Variants in CA10 observed in about 807,000 individuals in gnomAD.
CA10 encodes the protein carbonic anhydrase 10 (inactive), also known as carbonic anhydrase-related protein 10.
A neutral mutation model predicts 44.2 loss-of-function variants in CA10; 14 were observed. That is an observed-to-expected ratio of 0.32 (90% CI 0.21 to 0.50). The LOEUF is 0.50. Ranked by LOEUF, CA10 falls within the 20% of genes least tolerant of loss-of-function variation. The pLI is 0.99. For synonymous variants in CA10, 159 were observed against 141.6 expected, an observed-to-expected ratio of 1.12 and a Z score of -0.87; for missense variants, 350 against 409.7, an observed-to-expected ratio of 0.85 and a Z score of 1.26.
intron 2 of CA10, among the ~76,000 whole-genome samples, chr17:52,018,999 GCT>G (rs1404707435): frequency 1.3e-5 from 2 of 152,010 alleles, no homozygotes; most frequent in African/African-American, 4.8e-5. Context: ...TCTCTTGCTT[GCT>G]CTCTCACCAT....
chr17:51,830,434 CA>C (rs913357292), intron 3 of CA10, among the ~76,000 whole-genome samples: 14 of 151,456 alleles, frequency 9.2e-5, no homozygotes, highest in African/African-American at 3.4e-4. Context: ...AAAAAAAAAA[CA>C]AACAATTTCT....
chr17:51,931,576 T>A (rs1330160674), intron 2 of CA10, among the ~76,000 whole-genome samples: 1 of 152,134 alleles, frequency 6.6e-6, no homozygotes, highest in Non-Finnish European at 1.5e-5. Flanking sequence ...TGTCATTCAG[T>A]GTACACAAAG....
intron 3 of CA10, among the ~76,000 whole-genome samples, chr17:51,887,547 T>TGC (rs1980662828): frequency 1.3e-5 from 2 of 152,218 alleles, no homozygotes; most frequent in African/African-American, 4.8e-5. Context: ...ATCCTTGCTC[T>TGC]GCCAATTACT....
intron 4 of CA10, among the ~76,000 whole-genome samples, chr17:51,735,894 A>C (rs1779147571): frequency 7.3e-6 from 1 of 137,348 alleles, no homozygotes; most frequent in African/African-American, 2.6e-5. Flanking sequence ...GCAAAACTCT[A>C]GTGATTGCAA....
Position 52,157,827 on chromosome 17 carries a change from CG to C in CA10, c.-42del, listed in dbSNP as rs537580773. 8.3e-6 allele frequency: 13 copies of C among 1,559,646 alleles called. No homozygotes were observed. The Admixed American group carries it at 1.5e-4, about 18-fold the overall frequency. On this transcript the variant is annotated 5_prime_UTR_variant, in exon 1 of 9. The change abolishes the stop of an existing upstream ORF in the 5' untranslated region. Transcript: ENST00000451037. ...CCAAGTGCATCACTCGACGGGAAAA[CG>C]GGGGGAAGGGGGGAGCCCGACACGG...
intron 1 of CA10, among the ~76,000 whole-genome samples, chr17:52,110,619 C>T (rs1372105498): frequency 6.6e-6 from 1 of 152,170 alleles, no homozygotes; most frequent in African/African-American, 2.4e-5. Flanking sequence ...GGAAGTAAGA[C>T]AGAGTCGGGG....
At chr17:52,130,060 C>T (rs35636621) in intron 1 of CA10, among the ~76,000 whole-genome samples, 36,273 of 152,038 alleles carry the variant, frequency 0.24, 5,113 homozygotes, top group South Asian at 0.36. Flanking sequence ...CTCAACATCA[C>T]TAATCATTAG....
chr17:52,108,194 T>TATATA (rs1567735876), intron 1 of CA10, among the ~76,000 whole-genome samples: 2,827 of 57,280 alleles, frequency 0.049, 58 homozygotes, highest in Non-Finnish European at 0.054. Flanking sequence ...TATATATTTT[T>TATATA]TATATATATA....
intron 3 of CA10, among the ~76,000 whole-genome samples, chr17:51,812,931 A>T (rs1907428348): frequency 1.3e-5 from 2 of 152,214 alleles, no homozygotes; most frequent in Non-Finnish European, 2.9e-5. Flanking sequence ...TTCAACTAAG[A>T]GAACAGTCAC....
At chr17:51,899,944 G>A (rs1598107419) in intron 3 of CA10, among the ~76,000 whole-genome samples, 1 of 149,138 alleles carries the variant, frequency 6.7e-6, no homozygotes, top group Non-Finnish European at 1.5e-5. Flanking sequence ...CATGTGAGAT[G>A]GGTCTCTTGA....
intron 2 of CA10, among the ~76,000 whole-genome samples, chr17:51,986,244 C>A (rs1984833219): frequency 6.6e-6 from 1 of 151,738 alleles, no homozygotes; most frequent in Admixed American, 6.6e-5. Context: ...CAAACAAAAA[C>A]AAAGTAAAGA....
intron 4 of CA10, among the ~76,000 whole-genome samples, chr17:51,730,163 T>C (rs1916666588): frequency 6.6e-6 from 1 of 152,180 alleles, no homozygotes; most frequent in African/African-American, 2.4e-5. Context: ...ATCTCCTTAC[T>C]AGAATGGAAG....
At chr17:51,974,491 C>A (rs1984393167) in intron 2 of CA10, among the ~76,000 whole-genome samples, 1 of 146,362 alleles carries the variant, frequency 6.8e-6, no homozygotes, top group African/African-American at 2.5e-5. Flanking sequence ...AGGAGTCATA[C>A]AAACTAAAAC....
chr17:51,948,337 G>A (rs530941862), intron 2 of CA10, among the ~76,000 whole-genome samples: 12 of 152,218 alleles, frequency 7.9e-5, no homozygotes, highest in East Asian at 7.7e-4. Flanking sequence ...CTCCTGTTCC[G>A]GTTGGCATTA....
intron 3 of CA10, among the ~76,000 whole-genome samples, chr17:51,786,030 T>G (rs1311320533): frequency 6.6e-6 from 1 of 152,206 alleles, no homozygotes; most frequent in Non-Finnish European, 1.5e-5. Context: ...ATCTTTCACT[T>G]ATTTGGTATT....
intron 3 of CA10, chr17:51,748,486 C>T: frequency 1.0e-6 from 1 of 985,444 alleles, no homozygotes; most frequent in Non-Finnish European, 1.2e-6. Context: ...GACTGCTTGG[C>T]ATTCCTTTTC....
chr17:51,980,038 A>G (rs2144085483), intron 2 of CA10, among the ~76,000 whole-genome samples: 1 of 152,266 alleles, frequency 6.6e-6, no homozygotes, highest in South Asian at 2.1e-4. Context: ...TCTTCTGGGT[A>G]TATACCCAGT....
intron 4 of CA10, among the ~76,000 whole-genome samples, chr17:51,662,423 CACAG>C (rs1384164277): frequency 2.0e-5 from 3 of 152,114 alleles, no homozygotes; most frequent in African/African-American, 7.2e-5. Flanking sequence ...TCTGAGGTCA[CACAG>C]ACAAAAAGTG....
intron 2 of CA10, among the ~76,000 whole-genome samples, chr17:52,035,511 C>T (rs1986591334): frequency 6.6e-6 from 1 of 152,128 alleles, no homozygotes; most frequent in Non-Finnish European, 1.5e-5. Context: ...AGCTGTCACA[C>T]TGGCCCTTTG....
Sources: allele counts gnomAD v4.1 joint callset (sites outside exome capture counted in the v4.1 genomes callset), GRCh38; gene constraint gnomAD v4.1.1; transcripts MANE v1.5; gene names NCBI Gene and HGNC (gene_info 2026-07-23, HGNC 2026-07-21).